The following TOPBP1 variants were observed in gnomAD, a reference collection of about 807,000 sequenced individuals.
TOPBP1 encodes DNA topoisomerase 2-binding protein 1.
In TOPBP1, 28 loss-of-function variants were observed where a neutral mutation model predicts 167.7. The observed-to-expected ratio is 0.17, with a 90% CI of 0.12 to 0.23. TOPBP1 has a LOEUF of 0.23. Ranked by LOEUF, TOPBP1 falls within the 10% of genes least tolerant of loss-of-function variation. The probability of loss-of-function intolerance (pLI) is 1.00; values close to 1 mark genes in which losing one functional copy is unlikely to be tolerated. For synonymous variants in TOPBP1, 598 were observed against 611.4 expected (o/e 0.98, Z 0.32); for missense variants, 1,554 against 1,809.6 (o/e 0.86, Z 2.56).
rs115064136 is a variant in TOPBP1 at position 133,637,734 on chromosome 3, G to A, written c.2520+142C>T. The A allele has an allele frequency of 7.8e-4, 673 of 865,070 alleles. 2 individuals are homozygous for A. The African/African-American group carries it at 9.4e-3, about 12-fold the overall frequency. The allele number at this position is 865,070 out of a possible 1,614,324, so 53.6% of individuals were successfully genotyped here. A position where few individuals can be genotyped will look rare whatever the true frequency, so the allele number is the denominator to read the frequency against. On this transcript the variant is annotated intron_variant, in intron 14 of 27. Coordinates refer to ENST00000260810, the MANE Select transcript of TOPBP1 (RefSeq NM_007027.4). Reference sequence around the variant, plus strand: ...CTAAATGTATGCTGGGACTCAAAACGTTCAAACTCAGTAACATAAATCTAC... The same window carrying A: ...CTAAATGTATGCTGGGACTCAAAACATTCAAACTCAGTAACATAAATCTAC...
Position 133,624,140 on chromosome 3 carries a change from T to C in TOPBP1, c.2840A>G (p.Tyr947Cys), listed in dbSNP as rs752739241. The C allele has an allele frequency of 1.3e-5, 21 of 1,613,716 alleles. No individual in the cohort carries two copies. In the South Asian group the frequency reaches 1.5e-4, roughly 12 times the overall value. Residue 947 changes from tyrosine to cysteine, a missense_variant, in exon 17 of 28, where the codon TAT becomes TGT. Physicochemically the swap from Tyr to Cys is radical, Grantham distance 194. Around this residue, in one of 3 missense-constraint regions of TOPBP1, gnomAD observed 1,197 missense variants for 1,351.5 expected, o/e 0.89. Transcript: ENST00000260810. Reference sequence around the variant, plus strand: ...ATTAGTGTCATTTGGCCGCCCTTGATAGATGAAATGAGTCACTGTTTCATC... The same window carrying C: ...ATTAGTGTCATTTGGCCGCCCTTGACAGATGAAATGAGTCACTGTTTCATC... Reference protein sequence around the residue: ...SFDETVTHFIYQGRPNDTNRE... With the variant: ...SFDETVTHFICQGRPNDTNRE...
rs376772211 is a variant in TOPBP1 at position 133,628,556 on chromosome 3, C to T, written c.2694+4G>A. The T allele has an allele frequency of 6.2e-7, 1 of 1,610,068 alleles. No individual in the cohort carries two copies. The highest frequency in any genetic ancestry group is 8.5e-7 in the Non-Finnish European group (1 of 1,178,190). ...CTTCCTTTTAATAAGAGAACTAATCCTACCTTCTCTGACTGGGCCTCTTTC... is the reference window on the plus strand; with the variant it reads ...CTTCCTTTTAATAAGAGAACTAATCTTACCTTCTCTGACTGGGCCTCTTTC... On this transcript the variant is annotated splice_donor_region_variant and intron_variant, in intron 15 of 27. Coordinates refer to ENST00000260810, the MANE Select transcript of TOPBP1 (RefSeq NM_007027.4).
At chr3:133,655,625 G>C (rs1363182996) in intron 5 of TOPBP1, 139 bp from the exon 6 acceptor site, 1 of 457,012 alleles carries the variant, frequency 2.2e-6, no homozygotes, top group Non-Finnish European at 3.7e-6. Context: ...CACCAAAACA[G>C]AATTACACTA....
intron 14 of TOPBP1, among the ~76,000 whole-genome samples, chr3:133,636,293 C>A (rs1340423348): frequency 6.6e-6 from 1 of 151,838 alleles, no homozygotes; most frequent in Admixed American, 6.6e-5. Flanking sequence ...TTGAGGGGGG[C>A]AAGGGTGAGG....
intron 16 of TOPBP1, among the ~76,000 whole-genome samples, chr3:133,625,191 C>A (rs529976603): frequency 1.2e-4 from 18 of 152,192 alleles, no homozygotes; most frequent in Non-Finnish European, 1.9e-4. Flanking sequence ...TCTCGAACTC[C>A]TGACTTCAAG....
chr3:133,631,747 CT>C (rs1413688275), intron 14 of TOPBP1, among the ~76,000 whole-genome samples: 1 of 152,130 alleles, frequency 6.6e-6, no homozygotes, highest in Non-Finnish European at 1.5e-5. Context: ...AAGTGATTCT[CT>C]TGCCTCAGTC....
chr3:133,637,256 T>C (rs1432737367), intron 14 of TOPBP1, among the ~76,000 whole-genome samples: 3 of 152,068 alleles, frequency 2.0e-5, no homozygotes, highest in African/African-American at 7.2e-5. Context: ...ACTAAAGAAA[T>C]AATGATGAAA....
At chr3:133,617,649 A>C (rs1934945727) in intron 21 of TOPBP1, 1 of 193,798 alleles carries the variant, frequency 5.2e-6, no homozygotes, top group Non-Finnish European at 1.0e-5. Context: ...ACATGAGAGC[A>C]ATTCTACACT....
At chr3:133,641,052 AT>A (rs1399019514) in intron 12 of TOPBP1, among the ~76,000 whole-genome samples, 1 of 151,964 alleles carries the variant, frequency 6.6e-6, no homozygotes, top group Admixed American at 6.6e-5. Context: ...AACTTTTCAG[AT>A]TTTTAAATTT....
chr3:133,656,598 A>G, intron 5 of TOPBP1, 78 bp downstream of exon 5: 14 of 1,395,078 alleles, frequency 1.0e-5, no homozygotes, highest in Admixed American at 2.5e-5. Context: ...TAGTAAGTCC[A>G]AAGAGTATAT....
rs557948174 is a variant in TOPBP1, at chr3:133,657,987, A to G, written c.220-46T>C. Reference sequence around the variant, plus strand: ...TAAATGAGTTAAGAAGGAAAAGACCACCAGTCTTACAAAATTACATTTTGT... The same window carrying G: ...TAAATGAGTTAAGAAGGAAAAGACCGCCAGTCTTACAAAATTACATTTTGT... On this transcript the variant is annotated intron_variant, in intron 3 of 27. Coordinates refer to ENST00000260810, the MANE Select transcript of TOPBP1 (RefSeq NM_007027.4). 5.7e-5 allele frequency: 81 copies of G among 1,415,056 alleles called. No individual in the cohort carries two copies. In the East Asian group the frequency reaches 1.1e-3, roughly 20 times the overall value. 87.7% of individuals were successfully genotyped at this position (1,415,056 alleles called of 1,614,324 possible).
chr3:133,608,829 T>C, intron 26 of TOPBP1, 44 bp downstream of exon 26: 1 of 1,581,398 alleles, frequency 6.3e-7, no homozygotes, highest in East Asian at 2.2e-5. Flanking sequence ...CTTGGTTAGA[T>C]GATTATTCAT....
intron 8 of TOPBP1, among the ~76,000 whole-genome samples, chr3:133,650,189 TAAAGA>T (rs925915605): frequency 1.3e-5 from 2 of 152,166 alleles, no homozygotes; most frequent in African/African-American, 4.8e-5. Flanking sequence ...TTTGTGGCTA[TAAAGA>T]AAATAGAAGC....
intron 27 of TOPBP1, among the ~76,000 whole-genome samples, chr3:133,605,992 G>A (rs897656938): frequency 6.6e-6 from 1 of 152,008 alleles, no homozygotes; most frequent in Non-Finnish European, 1.5e-5. Flanking sequence ...GACCAGCCTG[G>A]GCAACCTGGT....
At chr3:133,629,564 TTAAAAAAAC>T (rs1418142692) in intron 14 of TOPBP1, among the ~76,000 whole-genome samples, 4 of 152,082 alleles carry the variant, frequency 2.6e-5, no homozygotes, top group Non-Finnish European at 5.9e-5. Context: ...CAATTTCTTT[TTAAAAAAAC>T]TAAAAAAACA....
chr3:133,660,653 T>A (rs1198414992), intron 2 of TOPBP1, among the ~76,000 whole-genome samples: 1 of 152,148 alleles, frequency 6.6e-6, no homozygotes, highest in African/African-American at 2.4e-5. Flanking sequence ...CCTACTATCA[T>A]CCAATTATTA....
At position 133,617,183 on chromosome 3, in the gene TOPBP1, C is replaced by T; in HGVS notation, c.3736G>A (p.Val1246Met). Residue 1246 changes from valine to methionine, a missense_variant, in exon 22 of 28, where the codon GTG (valine) becomes ATG (methionine). By Grantham distance (21) the Val-to-Met change is conservative. Coordinates refer to ENST00000260810, the MANE Select transcript of TOPBP1 (RefSeq NM_007027.4). ...ACCTTTTCTCTAGGGTGCGGAGCCA[C>T]AGGGGGGTTGGCGAGTGGAAAGGCA... ...SIAFPLANPP[V>M]APHPREKIIT... is the part of the protein sequence containing the mutation. 1 of 1,612,708 alleles carries T rather than the reference C, an allele frequency of 6.2e-7. No individual in the cohort carries two copies. Among genetic ancestry groups the T allele is most frequent in the Non-Finnish European group, 8.5e-7 (1 of 1,179,450 alleles).
chr3:133,627,795 AT>A (rs1280205926), intron 16 of TOPBP1, among the ~76,000 whole-genome samples: 3 of 152,118 alleles, frequency 2.0e-5, no homozygotes. Flanking sequence ...TACTGATGCC[AT>A]TTGTGCTAGA....
At position 133,604,587 on chromosome 3, in the gene TOPBP1, G is replaced by C. The variant is rs370674503; in HGVS notation, c.4426-3194C>G. Among the ~76,000 whole-genome samples, 8 of 151,982 alleles carry C rather than the reference G, an allele frequency of 5.3e-5. 1 individual carries two copies. Among genetic ancestry groups the C allele is most frequent in the East Asian group, 1.9e-4 (1 of 5,172 alleles). On this transcript the variant is annotated intron_variant, in intron 27 of 27. Transcript: ENST00000260810. ...TGAAACAGAAAATAGGAAAAGCGCT[G>C]TATCTAGTAAAGAAAATTCGTTACA...
Sources: gnomAD v4.1 joint callset for allele counts (sites outside exome capture counted in the v4.1 genomes callset) on GRCh38, gnomAD v4.1.1 for gene constraint, gnomAD v4.1.1 regional missense constraint, MANE v1.5 for transcripts, NCBI Gene and HGNC (gene_info 2026-07-23, HGNC 2026-07-21) for gene names.